ETFB: variants seen among roughly 807,000 people sequenced by gnomAD.
ETFB encodes electron transfer flavoprotein subunit beta, also known as beta-ETF.
A neutral mutation model predicts 25.6 loss-of-function variants in ETFB; 20 were observed. The observed-to-expected ratio is 0.78, with a 90% CI of 0.55 to 1.14. The LOEUF (loss-of-function observed/expected upper bound fraction) is 1.14, where lower values mean the gene tolerates loss of function less well. Among genes scored for constraint, ETFB ranks in the 50% most tolerant of loss-of-function variants. The pLI is 0.00. For missense variants in ETFB, 286 were observed against 342.6 expected, an observed-to-expected ratio of 0.83 and a Z score of 1.30; for synonymous variants, 142 against 146.7, an observed-to-expected ratio of 0.97 and a Z score of 0.23.
intron 1 of ETFB, chr19:51,354,737 G>A: frequency 7.0e-7 from 1 of 1,434,898 alleles, no homozygotes; most frequent in Non-Finnish European, 9.6e-7. Flanking sequence ...GACAGTTAAG[G>A]GTGGTCCTCA....
intron 1 of ETFB, among the ~76,000 whole-genome samples, chr19:51,362,923 A>G (rs1052239599): frequency 6.6e-6 from 1 of 152,198 alleles, no homozygotes; most frequent in Non-Finnish European, 1.5e-5. Context: ...CAAAGTGTCC[A>G]CACCAGCTTC....
At chr19:51,346,814 T>TCC in intron 5 of ETFB, 86 bp downstream of exon 5, 2 of 1,350,912 alleles carry the variant, frequency 1.5e-6, no homozygotes, top group Non-Finnish European at 2.0e-6. Flanking sequence ...GATCCTTCCC[T>TCC]CCCCACGTGC....
At chr19:51,363,777 T>C (rs1012674582) in intron 1 of ETFB, among the ~76,000 whole-genome samples, 3 of 151,868 alleles carry the variant, frequency 2.0e-5, no homozygotes, top group Non-Finnish European at 2.9e-5. Flanking sequence ...ATATAATCCA[T>C]GAGTTGGAGT....
Position 51,366,369 on chromosome 19 carries a change from C to T in ETFB, c.-43G>A, listed in dbSNP as rs371772513. ...TTACAGGGTCAGCCCGCACCCTCAG[C>T]GGCTCAGTCCAGAAGCCCCACCACC... On this transcript the variant is annotated 5_prime_UTR_variant, in exon 1 of 6. Transcript: ENST00000309244. The T allele has an allele frequency of 1.8e-5, 28 of 1,595,492 alleles. No individual in the cohort carries two copies. In the African/African-American group the frequency reaches 3.1e-4, roughly 18 times the overall value.
intron 3 of ETFB, among the ~76,000 whole-genome samples, chr19:51,352,420 C>A (rs1042004442): frequency 6.6e-6 from 1 of 152,076 alleles, no homozygotes; most frequent in Admixed American, 6.5e-5. Context: ...CCTGGGTTTC[C>A]TACCTGTGTT....
chr19:51,366,281 A>G lies in ETFB; in HGVS notation c.46T>C (p.Tyr16His), dbSNP rs1986364552. The G allele has an allele frequency of 6.2e-7, 1 of 1,613,908 alleles. No individual in the cohort carries two copies. Among genetic ancestry groups the G allele is most frequent in the Admixed American group, 1.7e-5 (1 of 59,998 alleles). The change falls in exon 1 of 6, where the codon TAC becomes CAC. Residue 16 changes from tyrosine (Y) to histidine (H), a missense_variant. Transcript: ENST00000309244. ...VLVAVKRVID[Y>H]AVKIRVKPDR... ...GGGGGCCCGATCACCTTCACGGCGT[A>G]GTCGATGACCCTCTTGACAGCTACG...
At chr19:51,360,086 A>AT (rs1201881524) in intron 1 of ETFB, among the ~76,000 whole-genome samples, 2 of 151,864 alleles carry the variant, frequency 1.3e-5, no homozygotes, top group Non-Finnish European at 2.9e-5. Flanking sequence ...TCTTAAAGAG[A>AT]CGACATATCC....
Position 51,366,290 on chromosome 19 carries a change from C to T in ETFB, c.37G>A (p.Val13Ile). 6.2e-7 allele frequency: 1 copy of T among 1,613,942 alleles called. No individual in the cohort carries two copies. Among genetic ancestry groups the T allele is most frequent in the Non-Finnish European group, 8.5e-7 (1 of 1,180,018 alleles). The change falls in exon 1 of 6, where the codon GTC becomes ATC. Residue 13 changes from valine to isoleucine, a missense_variant. Transcript: ENST00000309244. The stretch of plus-strand genomic sequence containing the variant: ...ATCACCTTCACGGCGTAGTCGATGA[C>T]CCTCTTGACAGCTACGAGCACGCGC... Reference protein sequence around the residue: ...ELRVLVAVKRVIDYAVKIRVK... With the variant: ...ELRVLVAVKRIIDYAVKIRVK...
At chr19:51,363,273 G>T (rs1260653774) in intron 1 of ETFB, among the ~76,000 whole-genome samples, 1 of 152,092 alleles carries the variant, frequency 6.6e-6, no homozygotes, top group African/African-American at 2.4e-5. Context: ...GCCTGGGGAT[G>T]ATGGAGTAGG....
chr19:51,364,944 T>G (rs1045543420), intron 1 of ETFB, among the ~76,000 whole-genome samples: 19 of 152,112 alleles, frequency 1.2e-4, no homozygotes, highest in African/African-American at 4.6e-4. Flanking sequence ...ATCCCAGCAC[T>G]TTGGGGGGCC....
intron 4 of ETFB, chr19:51,347,458 C>T (rs760186368): frequency 1.9e-5 from 4 of 206,090 alleles, no homozygotes; most frequent in East Asian, 2.6e-4. Context: ...CTGAGTTACA[C>T]GCCCACTGCC....
chr19:51,351,340 G>A (rs930896387), intron 3 of ETFB, among the ~76,000 whole-genome samples: 4 of 152,242 alleles, frequency 2.6e-5, no homozygotes, highest in Admixed American at 6.5e-5. Context: ...GTAGAGGGGA[G>A]CCTACAGCTC....
At chr19:51,350,437 A>G in intron 3 of ETFB, 46 bp from the exon 4 acceptor site, 1 of 1,028,746 alleles carries the variant, frequency 9.7e-7, no homozygotes, top group Non-Finnish European at 1.5e-6. Context: ...AGTGGAGCTC[A>G]TGGACCATTC....
intron 1 of ETFB, chr19:51,354,676 A>G (rs1478024474): frequency 6.2e-7 from 1 of 1,605,640 alleles, no homozygotes; most frequent in Non-Finnish European, 8.5e-7. Flanking sequence ...TACATAATAC[A>G]CTGATACATA....
At chr19:51,354,710 GA>G in intron 1 of ETFB, 2 of 1,574,498 alleles carry the variant, frequency 1.3e-6, no homozygotes, top group Non-Finnish European at 8.7e-7. Flanking sequence ...AGAAGAAAAG[GA>G]AAAACCAGTT....
At chr19:51,354,753 G>T in intron 1 of ETFB, 1 of 1,230,470 alleles carries the variant, frequency 8.1e-7, no homozygotes, top group Non-Finnish European at 1.1e-6. Flanking sequence ...CCTCAGAGGA[G>T]CAGCCTGCCT....
At chr19:51,347,127 T>A in intron 4 of ETFB, 69 bp from the exon 5 acceptor site, 1 of 1,498,796 alleles carries the variant, frequency 6.7e-7, no homozygotes, top group Non-Finnish European at 9.2e-7. Context: ...AGTCTGCTTA[T>A]GCCACTACTG....
At chr19:51,361,330 C>T (rs902293893) in intron 1 of ETFB, among the ~76,000 whole-genome samples, 6 of 152,160 alleles carry the variant, frequency 3.9e-5, no homozygotes, top group African/African-American at 9.7e-5. Flanking sequence ...TTCTGTCAAG[C>T]GAGTCCCTGG....
intron 1 of ETFB, among the ~76,000 whole-genome samples, chr19:51,361,551 C>T (rs868067967): frequency 1.1e-4 from 16 of 152,156 alleles, no homozygotes; most frequent in Non-Finnish European, 2.2e-4. Context: ...AAACACCAGG[C>T]GCTCCCAGAC....
Sources: gnomAD v4.1 joint callset for allele counts (sites outside exome capture counted in the v4.1 genomes callset) on GRCh38, gnomAD v4.1.1 for gene constraint, MANE v1.5 for transcripts, NCBI Gene and HGNC (gene_info 2026-07-23, HGNC 2026-07-21) for gene names.